The following PHYHIPL variants were observed in gnomAD, a reference collection of about 807,000 sequenced individuals.
The protein encoded by PHYHIPL is phytanoyl-CoA 2-hydroxylase interacting protein like.
In PHYHIPL, 9 loss-of-function variants were observed where a neutral mutation model predicts 33.4. The observed-to-expected ratio is 0.27, with a 90% CI of 0.16 to 0.47. PHYHIPL has a LOEUF of 0.47. Among genes scored for constraint, PHYHIPL ranks in the 20% least tolerant of loss-of-function variants. The probability of loss-of-function intolerance (pLI) is 0.99; values close to 1 mark genes in which losing one functional copy is unlikely to be tolerated. For synonymous variants in PHYHIPL, 153 were observed against 154.1 expected, an observed-to-expected ratio of 0.99 and a Z score of 0.05; for missense variants, 365 against 460.7, an observed-to-expected ratio of 0.79 and a Z score of 1.90.
intron 3 of PHYHIPL, among the ~76,000 whole-genome samples, chr10:59,237,683 G>A (rs1840266736): frequency 6.6e-6 from 1 of 151,818 alleles, no homozygotes; most frequent in Non-Finnish European, 1.5e-5. Context: ...CAATGTATTG[G>A]AAATAAAATA....
chr10:59,244,708 C>T (rs1840585106), intron 4 of PHYHIPL, among the ~76,000 whole-genome samples: 1 of 151,572 alleles, frequency 6.6e-6, no homozygotes, highest in Non-Finnish European at 1.5e-5. Context: ...GTTCAGTTTT[C>T]TCTTCAGAAA....
At chr10:59,211,041 C>CT (rs200920768) in intron 1 of PHYHIPL, among the ~76,000 whole-genome samples, 2,931 of 151,960 alleles carry the variant, frequency 0.019, 78 homozygotes, top group African/African-American at 0.067. Context: ...GCACATGTAT[C>CT]TCAGAACTTA....
At position 59,245,068 on chromosome 10, in the gene PHYHIPL, G is replaced by T. The variant is rs145848934; in HGVS notation, c.608G>T (p.Gly203Val). The T allele has an allele frequency of 1.2e-6, 2 of 1,608,444 alleles. No homozygotes were observed. The highest frequency in any genetic ancestry group is 2.7e-5 in the African/African-American group (2 of 74,694). Reference protein sequence around the residue: ...EYFDYVREHHGNAMQPSVKDN... With the variant: ...EYFDYVREHHVNAMQPSVKDN... ...GTTTTCTCTTGCAGAGAACATCATGGGAATGCTATGCAGCCATCTGTCAAG... is the reference window on the plus strand; with the variant it reads ...GTTTTCTCTTGCAGAGAACATCATGTGAATGCTATGCAGCCATCTGTCAAG... The change falls in exon 5 of 5, where the codon GGG (glycine) becomes GTG (valine). Residue 203 changes from glycine (G) to valine (V), a missense_variant. This residue lies in a region of PHYHIPL where 196 missense variants were observed against 224.9 expected (regional missense o/e 0.87). Coordinates refer to ENST00000373880, the MANE Select transcript of PHYHIPL (RefSeq NM_032439.4).
chr10:59,196,211 G>C (rs1197234806), intron 1 of PHYHIPL, among the ~76,000 whole-genome samples: 1 of 151,864 alleles, frequency 6.6e-6, no homozygotes, highest in Non-Finnish European at 1.5e-5. Context: ...GTTAAACCAA[G>C]TTTATCAAAA....
chr10:59,215,999 A>G (rs1839603905), intron 1 of PHYHIPL, among the ~76,000 whole-genome samples: 1 of 152,056 alleles, frequency 6.6e-6, no homozygotes, highest in African/African-American at 2.4e-5. Context: ...AGGAAAATCA[A>G]GAGTTCTATT....
intron 1 of PHYHIPL, among the ~76,000 whole-genome samples, chr10:59,231,694 T>C (rs1840083878): frequency 6.6e-6 from 1 of 152,064 alleles, no homozygotes; most frequent in African/African-American, 2.4e-5. Context: ...GAAAACATAC[T>C]AAAGAATTTA....
intron 1 of PHYHIPL, chr10:59,206,887 C>A: frequency 2.4e-6 from 2 of 822,158 alleles, no homozygotes; most frequent in Non-Finnish European, 3.1e-6. Flanking sequence ...TTTTTGACTT[C>A]CCCAAATTAT....
At chr10:59,235,391 A>T (rs944143481) in intron 2 of PHYHIPL, among the ~76,000 whole-genome samples, 5 of 151,872 alleles carry the variant, frequency 3.3e-5, no homozygotes, top group Non-Finnish European at 7.4e-5. Context: ...CTTATGTTGC[A>T]GTGTTTTCAC....
chr10:59,224,729 A>G (rs1839880477), intron 1 of PHYHIPL, among the ~76,000 whole-genome samples: 1 of 152,194 alleles, frequency 6.6e-6, no homozygotes, highest in Non-Finnish European at 1.5e-5. Context: ...ATGTTAAAAT[A>G]TAATTTTTCA....
intron 1 of PHYHIPL, among the ~76,000 whole-genome samples, chr10:59,215,868 A>T (rs746779953): frequency 3.3e-5 from 5 of 152,052 alleles, no homozygotes; most frequent in Non-Finnish European, 5.9e-5. Context: ...AAGGATTTTT[A>T]AAAGATCAGT....
At chr10:59,198,760 G>A (rs1839001447) in intron 1 of PHYHIPL, among the ~76,000 whole-genome samples, 1 of 152,186 alleles carries the variant, frequency 6.6e-6, no homozygotes, top group East Asian at 1.9e-4. Context: ...ACTGGTGTGA[G>A]ATGGTATCTC....
chr10:59,216,188 A>G (rs189116285), intron 1 of PHYHIPL, among the ~76,000 whole-genome samples: 1 of 152,268 alleles, frequency 6.6e-6, no homozygotes, highest in African/African-American at 2.4e-5. Context: ...TTTAATTAAA[A>G]TTACATAAAG....
intron 1 of PHYHIPL, among the ~76,000 whole-genome samples, chr10:59,218,358 G>A (rs1839672953): frequency 6.6e-6 from 1 of 152,072 alleles, no homozygotes. Flanking sequence ...TCATTTATAA[G>A]GTGAATTACT....
intron 1 of PHYHIPL, among the ~76,000 whole-genome samples, chr10:59,203,717 T>C (rs1839197923): frequency 7.8e-6 from 1 of 128,374 alleles, no homozygotes; most frequent in African/African-American, 3.0e-5. Flanking sequence ...AATTGAACAA[T>C]GAGAACACTT....
chr10:59,234,046 C>T (rs1840156157), intron 1 of PHYHIPL, among the ~76,000 whole-genome samples: 1 of 151,616 alleles, frequency 6.6e-6, no homozygotes, highest in African/African-American at 2.4e-5. Flanking sequence ...ATTGATTGGT[C>T]ATGTAGAAAA....
At chr10:59,205,007 G>A (rs1483985698) in intron 1 of PHYHIPL, among the ~76,000 whole-genome samples, 1 of 151,824 alleles carries the variant, frequency 6.6e-6, no homozygotes, top group African/African-American at 2.4e-5. Context: ...TGGGATTACA[G>A]GCACCTATCA....
chr10:59,200,486 G>T (rs568296081), intron 1 of PHYHIPL, among the ~76,000 whole-genome samples: 2 of 152,174 alleles, frequency 1.3e-5, no homozygotes, highest in Admixed American at 6.5e-5. Context: ...TTTTTGCATC[G>T]ACGTTCATCA....
In PHYHIPL at chr10:59,181,001, C is replaced by T. The variant is rs550582815; in HGVS notation, c.106+4042C>T. Among the ~76,000 whole-genome samples the T allele has an allele frequency of 6.6e-5, 10 of 152,242 alleles. No individual in the cohort carries two copies. The South Asian group carries it at 1.2e-3, about 19-fold the overall frequency. Reference sequence around the variant, plus strand: ...CATGCAGTGTAGCATAGTGATAATACCATTTTAGATCAGACCACCCCTGTT... The same window carrying T: ...CATGCAGTGTAGCATAGTGATAATATCATTTTAGATCAGACCACCCCTGTT... On this transcript the variant is annotated intron_variant, in intron 1 of 4. Coordinates refer to ENST00000373880, the MANE Select transcript of PHYHIPL (RefSeq NM_032439.4).
intron 1 of PHYHIPL, among the ~76,000 whole-genome samples, chr10:59,230,115 T>G (rs1032601511): frequency 6.6e-6 from 1 of 152,184 alleles, no homozygotes; most frequent in African/African-American, 2.4e-5. Flanking sequence ...TAAAATGTTT[T>G]AGTGAGTCTA....
Sources: allele counts gnomAD v4.1 joint callset (sites outside exome capture counted in the v4.1 genomes callset), GRCh38; gene constraint gnomAD v4.1.1; regional missense constraint gnomAD v4.1.1; transcripts MANE v1.5; gene names NCBI Gene and HGNC (gene_info 2026-07-23, HGNC 2026-07-21).